Variants in DOCK3 observed in about 807,000 individuals in gnomAD.
DOCK3 encodes dedicator of cytokinesis protein 3.
DOCK3 carries 60 observed loss-of-function variants against 265.6 expected under a neutral mutation model. That is an observed-to-expected ratio of 0.23 (90% CI 0.18 to 0.28). DOCK3 has a LOEUF of 0.28. Among genes scored for constraint, DOCK3 ranks in the 10% least tolerant of loss-of-function variants. The pLI, the probability that DOCK3 is intolerant of heterozygous loss-of-function variation, is 1.00. For missense variants in DOCK3, 1,981 were observed against 2,594.3 expected (o/e 0.76, Z 5.14); for synonymous variants, 881 against 938.0 (o/e 0.94, Z 1.11).
At chr3:50,850,555 T>G (rs6446223) in intron 3 of DOCK3, among the ~76,000 whole-genome samples, 3 of 152,098 alleles carry the variant, frequency 2.0e-5, no homozygotes, top group East Asian at 1.9e-4. Context: ...TCACTATATG[T>G]GTATTTTTCA....
chr3:51,315,143 A>G lies in DOCK3; in HGVS notation c.3402+15A>G. On this transcript the variant is annotated intron_variant, in intron 32 of 52. Coordinates refer to ENST00000266037, the MANE Select transcript of DOCK3 (RefSeq NM_004947.5). ...ACTTCAAACAGGTAAGACACCTGGCAGTGTTCGGGGTATTCTCTGGAATGG... is the reference window on the plus strand; with the variant it reads ...ACTTCAAACAGGTAAGACACCTGGCGGTGTTCGGGGTATTCTCTGGAATGG... The G allele has an allele frequency of 1.3e-6, 2 of 1,593,954 alleles. No homozygotes were observed. The highest frequency in any genetic ancestry group is 1.1e-5 in the South Asian group (1 of 88,274).
At chr3:50,796,647 G>A (rs2108642752) in intron 2 of DOCK3, among the ~76,000 whole-genome samples, 1 of 152,292 alleles carries the variant, frequency 6.6e-6, no homozygotes, top group South Asian at 2.1e-4. Flanking sequence ...CAGTGTGGTT[G>A]TTTATATGAA....
intron 1 of DOCK3, among the ~76,000 whole-genome samples, chr3:50,769,292 A>G (rs1012506617): frequency 4.6e-5 from 7 of 152,090 alleles, no homozygotes; most frequent in South Asian, 2.1e-4. Flanking sequence ...TGTTTCTCCT[A>G]TGGTCTTTAC....
chr3:50,750,483 C>T (rs1425400606), intron 1 of DOCK3, among the ~76,000 whole-genome samples: 2 of 152,044 alleles, frequency 1.3e-5, no homozygotes, highest in African/African-American at 4.8e-5. Context: ...GCGCCTGCCA[C>T]CACGCCCAGC....
chr3:50,684,378 T>C (rs1209961391), intron 1 of DOCK3, among the ~76,000 whole-genome samples: 1 of 152,238 alleles, frequency 6.6e-6, no homozygotes, highest in Non-Finnish European at 1.5e-5. Context: ...AAGAATTTTA[T>C]TTTGTTTTAT....
At chr3:51,344,840 G>A (rs2085459799) in intron 38 of DOCK3, among the ~76,000 whole-genome samples, 1 of 152,144 alleles carries the variant, frequency 6.6e-6, no homozygotes, top group Admixed American at 6.6e-5. Context: ...TACCCCTCAA[G>A]GTTTGCAGAG....
At chr3:51,060,220 G>C (rs2081364213) in intron 5 of DOCK3, among the ~76,000 whole-genome samples, 1 of 151,716 alleles carries the variant, frequency 6.6e-6, no homozygotes, top group African/African-American at 2.4e-5. Flanking sequence ...AGAGGTCAGT[G>C]ACAGCCACCA....
intron 2 of DOCK3, among the ~76,000 whole-genome samples, chr3:50,818,383 C>T (rs1313083337): frequency 2.6e-5 from 4 of 152,158 alleles, no homozygotes; most frequent in African/African-American, 9.7e-5. Context: ...CAGTATTTGT[C>T]TTTTGGGTCT....
At chr3:51,000,484 A>G (rs2078439313) in intron 5 of DOCK3, among the ~76,000 whole-genome samples, 1 of 152,194 alleles carries the variant, frequency 6.6e-6, no homozygotes, top group Admixed American at 6.5e-5. Flanking sequence ...GGGAAGGCCT[A>G]GGACAAGGGC....
At chr3:50,910,510 A>G (rs939946698) in intron 4 of DOCK3, among the ~76,000 whole-genome samples, 2 of 152,108 alleles carry the variant, frequency 1.3e-5, no homozygotes, top group African/African-American at 4.8e-5. Context: ...CCTAGACTGC[A>G]TTTCAAATTT....
At chr3:50,921,169 G>C (rs2050439002) in intron 4 of DOCK3, among the ~76,000 whole-genome samples, 1 of 152,058 alleles carries the variant, frequency 6.6e-6, no homozygotes, top group Admixed American at 6.6e-5. Flanking sequence ...TTTACTTCCA[G>C]TTATGTGGTC....
At chr3:50,924,772 C>T (rs1326739005) in intron 4 of DOCK3, among the ~76,000 whole-genome samples, 2 of 152,142 alleles carry the variant, frequency 1.3e-5, no homozygotes, top group Non-Finnish European at 2.9e-5. Context: ...GAGTTGAGCT[C>T]CTCTATAGCT....
intron 9 of DOCK3, among the ~76,000 whole-genome samples, chr3:51,138,345 G>T (rs9871539): frequency 0.91 from 138,819 of 152,238 alleles, 63,437 homozygotes; most frequent in African/African-American, 0.95. Context: ...ATATAAACAG[G>T]TGTGATAGAT....
intron 5 of DOCK3, among the ~76,000 whole-genome samples, chr3:51,049,036 G>GTTAC (rs1397055500): frequency 6.6e-6 from 1 of 152,124 alleles, no homozygotes; most frequent in African/African-American, 2.4e-5. Context: ...TGATTAAAAG[G>GTTAC]TTACTGTAGG....
chr3:50,921,853 G>A (rs767770506), intron 4 of DOCK3, among the ~76,000 whole-genome samples: 10 of 152,304 alleles, frequency 6.6e-5, no homozygotes, highest in African/African-American at 1.9e-4. Context: ...TATCACCAGC[G>A]GAGGCTGCAG....
Position 51,229,529 on chromosome 3 carries a change from C to T in DOCK3, c.1837C>T (p.Leu613=). The T allele has an allele frequency of 6.2e-7, 1 of 1,606,114 alleles. No homozygotes were observed. The highest frequency in any genetic ancestry group is 8.5e-7 in the Non-Finnish European group (1 of 1,176,272). The change falls in exon 19 of 53, where the codon CTG becomes TTG. Residue 613 remains leucine, a synonymous_variant. Coordinates refer to ENST00000266037, the MANE Select transcript of DOCK3 (RefSeq NM_004947.5). ...LTQNVDLLAL[L]KWKAFPDRIM... ...CTTTCTAGTGGACCTCCTAGCTCTG[C>T]TGAAGTGGAAAGCCTTCCCCGACCG...
chr3:51,375,816 T>C lies in DOCK3; in HGVS notation c.5481T>C (p.Asn1827=). The C allele has an allele frequency of 6.2e-7, 1 of 1,613,994 alleles. No individual in the cohort carries two copies. The highest frequency in any genetic ancestry group is 8.5e-7 in the Non-Finnish European group (1 of 1,179,876). Residue 1827 remains asparagine (N), a synonymous_variant, in exon 51 of 53, where the codon AAT becomes AAC. Transcript: ENST00000266037. ...CCTGCAAACCCTGCAGTGATCCCAA[T>C]CTGTCTGTGGCTGAAAAAGGTATTG... The part of the protein sequence containing the change: ...VGACKPCSDP[N]LSVAEKGHYS...
chr3:51,081,868 C>A (rs2082254714), intron 7 of DOCK3, among the ~76,000 whole-genome samples: 1 of 146,802 alleles, frequency 6.8e-6, no homozygotes, highest in African/African-American at 2.5e-5. Context: ...TGGAATCTAG[C>A]CTGGGCGACA....
chr3:50,990,202 G>A (rs1360731294), intron 5 of DOCK3, among the ~76,000 whole-genome samples: 2 of 152,162 alleles, frequency 1.3e-5, no homozygotes, highest in Non-Finnish European at 2.9e-5. Flanking sequence ...AAAGGCAGGG[G>A]GAGAAAGTAA....
Sources: allele counts gnomAD v4.1 joint callset (sites outside exome capture counted in the v4.1 genomes callset), GRCh38; gene constraint gnomAD v4.1.1; transcripts MANE v1.5; gene names NCBI Gene and HGNC (gene_info 2026-07-23, HGNC 2026-07-21).